Variants in ADGRL3 observed in about 807,000 individuals in gnomAD.
ADGRL3 encodes the protein calcium-independent alpha-latrotoxin receptor 3.
In ADGRL3, 62 loss-of-function variants were observed where a neutral mutation model predicts 153.5. The observed-to-expected ratio is 0.40, with a 90% CI of 0.33 to 0.50. ADGRL3 has a LOEUF of 0.50. Among genes scored for constraint, ADGRL3 ranks in the 20% least tolerant of loss-of-function variants. The pLI, the probability that ADGRL3 is intolerant of heterozygous loss-of-function variation, is 0.47. For synonymous variants in ADGRL3, 710 were observed against 672.5 expected (o/e 1.06, Z -0.86); for missense variants, 1,641 against 1,859.4 (o/e 0.88, Z 2.16).
At chr4:61,296,630 T>G (rs527895136) in intron 1 of ADGRL3, among the ~76,000 whole-genome samples, 111 of 152,296 alleles carry the variant, frequency 7.3e-4, no homozygotes, top group Non-Finnish European at 1.3e-3. Flanking sequence ...TCAAGATTAC[T>G]TCATGTCAAA....
At position 61,402,079 on chromosome 4, in the gene ADGRL3, C is replaced by A. The variant is rs148708510; in HGVS notation, c.-174+18890C>A. 1.9e-3 allele frequency among the ~76,000 whole-genome samples: 293 copies of A among 152,090 alleles called. 2 individuals carry two copies. The highest frequency in any genetic ancestry group is 6.8e-3 in the African/African-American group (283 of 41,510). ...TAATAGGTGCTGAAATTTGAGGTTC[C>A]TATAATTTTCACATGTCATGAAATA... is the stretch of plus-strand genomic sequence containing the variant. On this transcript the variant is annotated intron_variant, in intron 2 of 26. Transcript: ENST00000683033.
intron 6 of ADGRL3, among the ~76,000 whole-genome samples, chr4:61,729,114 C>T (rs1262960583): frequency 1.3e-5 from 2 of 151,840 alleles, no homozygotes; most frequent in Non-Finnish European, 2.9e-5. Flanking sequence ...TGCTCACTAC[C>T]TGGGTGATGG....
chr4:61,887,194 TTC>T (rs886682361), intron 9 of ADGRL3, among the ~76,000 whole-genome samples: 8 of 151,996 alleles, frequency 5.3e-5, no homozygotes, highest in South Asian at 4.1e-4. Flanking sequence ...TAATTTTATA[TTC>T]TCTCTTATTA....
At chr4:61,380,476 G>A (rs947954955) in intron 1 of ADGRL3, among the ~76,000 whole-genome samples, 1 of 151,906 alleles carries the variant, frequency 6.6e-6, no homozygotes, top group African/African-American at 2.4e-5. Flanking sequence ...TTGATGAATT[G>A]AATGTCATTT....
chr4:61,530,452 G>A (rs1404720098), intron 4 of ADGRL3, among the ~76,000 whole-genome samples: 3 of 151,974 alleles, frequency 2.0e-5, no homozygotes, highest in Non-Finnish European at 4.4e-5. Flanking sequence ...TAATGCAAGA[G>A]TACTTGTTTC....
At chr4:61,399,532 C>A (rs2096905900) in intron 2 of ADGRL3, among the ~76,000 whole-genome samples, 1 of 151,444 alleles carries the variant, frequency 6.6e-6, no homozygotes, top group African/African-American at 2.4e-5. Flanking sequence ...TGTGCATATT[C>A]AAGGTAATTA....
chr4:61,291,845 G>T (rs977189671), intron 1 of ADGRL3, among the ~76,000 whole-genome samples: 12 of 145,636 alleles, frequency 8.2e-5, no homozygotes, highest in African/African-American at 3.1e-4. Flanking sequence ...ATCACATTTT[G>T]GGAGAATATT....
intron 1 of ADGRL3, among the ~76,000 whole-genome samples, chr4:61,262,313 C>A (rs927903557): frequency 6.6e-6 from 1 of 151,972 alleles, no homozygotes; most frequent in African/African-American, 2.4e-5. Context: ...ATCATAGTAA[C>A]CCTTTCAAAA....
At chr4:61,494,838 A>G (rs973608966) in intron 2 of ADGRL3, among the ~76,000 whole-genome samples, 4 of 152,130 alleles carry the variant, frequency 2.6e-5, no homozygotes, top group Non-Finnish European at 5.9e-5. Flanking sequence ...TATGTATACA[A>G]TAGTAATCAA....
intron 6 of ADGRL3, among the ~76,000 whole-genome samples, chr4:61,678,337 T>A (rs1497897): frequency 0.62 from 94,150 of 151,788 alleles, 30,040 homozygotes; most frequent in Non-Finnish European, 0.72. Flanking sequence ...TTCATATTTG[T>A]ATGTTCATAT....
intron 1 of ADGRL3, among the ~76,000 whole-genome samples, chr4:61,226,773 GGATA>G (rs1748161320): frequency 6.6e-6 from 1 of 150,794 alleles, no homozygotes; most frequent in Admixed American, 6.6e-5. Context: ...ACTCTATTCG[GGATA>G]GTTAGGTGTT....
chr4:61,780,470 C>T (rs1288080079), intron 8 of ADGRL3, among the ~76,000 whole-genome samples: 1 of 152,108 alleles, frequency 6.6e-6, no homozygotes, highest in Non-Finnish European at 1.5e-5. Flanking sequence ...GAAAAGGAAC[C>T]AATAGGCTTC....
chr4:61,488,916 C>A (rs2098226912), intron 2 of ADGRL3, among the ~76,000 whole-genome samples: 1 of 151,896 alleles, frequency 6.6e-6, no homozygotes, highest in African/African-American at 2.4e-5. Flanking sequence ...TTACAATGGA[C>A]CTTCTGATTC....
intron 21 of ADGRL3, among the ~76,000 whole-genome samples, chr4:62,027,048 G>A (rs1248773742): frequency 2.0e-5 from 3 of 152,016 alleles, no homozygotes; most frequent in African/African-American, 2.4e-5. Flanking sequence ...TGTACTATAC[G>A]AATTAAGGTA....
chr4:61,643,815 G>C (rs1230143929), intron 5 of ADGRL3, among the ~76,000 whole-genome samples: 18 of 146,074 alleles, frequency 1.2e-4, no homozygotes, highest in African/African-American at 3.8e-4. Context: ...AAATGAGTTA[G>C]GGAGGATTCC....
rs1333980473 is a variant in ADGRL3, at chr4:62,070,561, A to C, written c.4285A>C (p.Ser1429Arg). 2 of 1,549,976 alleles carry C rather than the reference A, an allele frequency of 1.3e-6. No homozygotes were observed. The highest frequency in any genetic ancestry group is 2.8e-5 in the African/African-American group (2 of 72,456). Residue 1429 changes from serine (S) to arginine (R), a missense_variant, in exon 27 of 27, where the codon AGT becomes CGT. Ser to Arg is a moderately radical substitution (Grantham distance 110). Coordinates refer to ENST00000683033, the MANE Select transcript of ADGRL3 (RefSeq NM_001387552.1). The stretch of plus-strand genomic sequence containing the variant: ...CAGAAGGCGGATCCCCCAAGACCAC[A>C]GTGAGAGCTTTTTCCCTTTGCTAAC... ...YTRRRIPQDH[S>R]ESFFPLLTNE...
chr4:62,056,631 A>T (rs1291245472), intron 25 of ADGRL3, among the ~76,000 whole-genome samples: 2 of 152,072 alleles, frequency 1.3e-5, no homozygotes, highest in Non-Finnish European at 2.9e-5. Context: ...TAAAAAATGA[A>T]GTCTCCACTG....
chr4:61,594,147 C>T (rs1010415208), intron 5 of ADGRL3, among the ~76,000 whole-genome samples: 2 of 152,128 alleles, frequency 1.3e-5, no homozygotes, highest in Non-Finnish European at 2.9e-5. Flanking sequence ...CTGCTTGATT[C>T]CTTTTAAGTA....
intron 8 of ADGRL3, among the ~76,000 whole-genome samples, chr4:61,784,561 T>C (rs1268953445): frequency 2.0e-5 from 3 of 152,200 alleles, no homozygotes; most frequent in South Asian, 4.1e-4. Flanking sequence ...GTTTGGGGTA[T>C]GGGGTGTGAA....
Sources: allele counts gnomAD v4.1 joint callset (sites outside exome capture counted in the v4.1 genomes callset), GRCh38; gene constraint gnomAD v4.1.1; transcripts MANE v1.5; gene names NCBI Gene and HGNC (gene_info 2026-07-23, HGNC 2026-07-21).